Variants in AGBL1 observed in about 807,000 individuals in gnomAD.
AGBL1 encodes the protein cytosolic carboxypeptidase 4.
In AGBL1, 130 loss-of-function variants were observed where a neutral mutation model predicts 118.9. The ratio of observed to expected loss-of-function variants is 1.09; its 90% CI spans 0.95 to 1.26. The LOEUF (loss-of-function observed/expected upper bound fraction) is 1.26. AGBL1 is among the 50% of genes most tolerant of loss of function. The pLI is 0.00. For missense variants in AGBL1, 1,584 were observed against 1,298.1 expected, an observed-to-expected ratio of 1.22 and a Z score of -3.38; for synonymous variants, 555 against 478.9, an observed-to-expected ratio of 1.16 and a Z score of -2.08.
chr15:86,353,315 G>C (rs2080661134), intron 17 of AGBL1, among the ~76,000 whole-genome samples: 1 of 152,190 alleles, frequency 6.6e-6, no homozygotes, highest in South Asian at 2.1e-4. Flanking sequence ...GATCAAGATA[G>C]TCTTGCAGCT....
At chr15:86,812,340 A>G (rs1353856559) in intron 22 of AGBL1, among the ~76,000 whole-genome samples, 1 of 152,186 alleles carries the variant, frequency 6.6e-6, no homozygotes, top group Non-Finnish European at 1.5e-5. Context: ...ATGGACTACA[A>G]TTTACTTTAG....
At chr15:86,896,707 TCATG>T (rs940890532) in intron 22 of AGBL1, among the ~76,000 whole-genome samples, 2 of 152,196 alleles carry the variant, frequency 1.3e-5, no homozygotes, top group African/African-American at 4.8e-5. Context: ...ATTTTCTTTC[TCATG>T]CATATGTTCT....
chr15:86,786,482 C>T (rs964571643), intron 22 of AGBL1, among the ~76,000 whole-genome samples: 5 of 152,060 alleles, frequency 3.3e-5, no homozygotes, highest in Non-Finnish European at 7.4e-5. Context: ...GTATTAAATA[C>T]ATAAAAATAT....
intron 22 of AGBL1, among the ~76,000 whole-genome samples, chr15:86,869,985 T>G (rs898066537): frequency 6.6e-6 from 1 of 152,180 alleles, no homozygotes; most frequent in African/African-American, 2.4e-5. Context: ...CCCGCAAGTT[T>G]CCATTTTGAA....
intron 21 of AGBL1, among the ~76,000 whole-genome samples, chr15:86,567,373 C>G (rs192764022): frequency 3.9e-4 from 60 of 152,268 alleles, no homozygotes; most frequent in African/African-American, 1.3e-3. Context: ...TTTATTCTAT[C>G]TGTCAAAATT....
chr15:86,434,861 G>C (rs954040727), intron 18 of AGBL1, among the ~76,000 whole-genome samples: 3 of 152,206 alleles, frequency 2.0e-5, no homozygotes, highest in African/African-American at 7.2e-5. Flanking sequence ...TTATAGTCCA[G>C]CTGTAATTGA....
At chr15:86,981,557 A>T (rs1182559626) in intron 23 of AGBL1, among the ~76,000 whole-genome samples, 1 of 152,164 alleles carries the variant, frequency 6.6e-6, no homozygotes, top group Non-Finnish European at 1.5e-5. Context: ...CTTGACTTGT[A>T]AGTGCTCTTT....
At chr15:86,670,600 G>GACACACACACACACACACACACAC (rs9302341) in intron 21 of AGBL1, among the ~76,000 whole-genome samples, 4 of 133,224 alleles carry the variant, frequency 3.0e-5, no homozygotes, top group African/African-American at 1.1e-4. Flanking sequence ...GTGAAACTCT[G>GACACACACACACACACACACACAC]ACACACACAC....
chr15:86,834,137 G>A (rs1283456321), intron 22 of AGBL1, among the ~76,000 whole-genome samples: 2 of 152,092 alleles, frequency 1.3e-5, no homozygotes, highest in Admixed American at 6.5e-5. Context: ...CCTATGTCGG[G>A]ATACCAGAGG....
chr15:86,434,059 C>A (rs370063878), intron 18 of AGBL1, among the ~76,000 whole-genome samples: 6 of 152,356 alleles, frequency 3.9e-5, no homozygotes, highest in Non-Finnish European at 7.3e-5. Context: ...ACAAACCCAA[C>A]TGATCCTTTT....
At chr15:86,999,177 C>G (rs994573099) in intron 24 of AGBL1, among the ~76,000 whole-genome samples, 1 of 148,696 alleles carries the variant, frequency 6.7e-6, no homozygotes, top group African/African-American at 2.6e-5. Context: ...CTACAAAAGA[C>G]ATGAACTCAT....
At chr15:86,952,774 A>C (rs2080892937) in intron 23 of AGBL1, among the ~76,000 whole-genome samples, 1 of 152,128 alleles carries the variant, frequency 6.6e-6, no homozygotes, top group East Asian at 1.9e-4. Context: ...TGTTAAAAAG[A>C]ATATTTCCTA....
chr15:86,807,482 T>A (rs1275747401), intron 22 of AGBL1, among the ~76,000 whole-genome samples: 1 of 136,508 alleles, frequency 7.3e-6, no homozygotes, highest in East Asian at 2.0e-4. Context: ...AGAAAAGAAC[T>A]TTTTTTTTTT....
At chr15:86,294,065 T>C (rs934462315) in intron 16 of AGBL1, among the ~76,000 whole-genome samples, 1 of 152,038 alleles carries the variant, frequency 6.6e-6, no homozygotes, top group Admixed American at 6.6e-5. Context: ...CTGGTGCCCC[T>C]GTTTTGATTA....
At chr15:86,881,300 C>G (rs1463902623) in intron 22 of AGBL1, among the ~76,000 whole-genome samples, 1 of 152,102 alleles carries the variant, frequency 6.6e-6, no homozygotes, top group Non-Finnish European at 1.5e-5. Context: ...CGGAAGAAAC[C>G]TCGTGGAATG....
At chr15:86,109,146 G>T (rs890275602) in intron 1 of AGBL1, among the ~76,000 whole-genome samples, 1 of 152,096 alleles carries the variant, frequency 6.6e-6, no homozygotes, top group Non-Finnish European at 1.5e-5. Context: ...TACTTGGTAG[G>T]TACTCATTAA....
chr15:86,738,314 A>G (rs915822661), intron 22 of AGBL1, among the ~76,000 whole-genome samples: 3 of 152,212 alleles, frequency 2.0e-5, no homozygotes, highest in South Asian at 4.1e-4. Context: ...CTCTAGAACT[A>G]GAACAAGACA....
chr15:86,859,076 C>T (rs1347909953), intron 22 of AGBL1, among the ~76,000 whole-genome samples: 1 of 152,172 alleles, frequency 6.6e-6, no homozygotes, highest in African/African-American at 2.4e-5. Flanking sequence ...TTTTGCTGTG[C>T]TGCTGTTATA....
intron 22 of AGBL1, among the ~76,000 whole-genome samples, chr15:86,752,060 C>T (rs1292288113): frequency 1.3e-5 from 2 of 152,014 alleles, no homozygotes; most frequent in Non-Finnish European, 2.9e-5. Flanking sequence ...TAGCTTTCAC[C>T]TTATGTCATT....
Sources: gnomAD v4.1 joint callset for allele counts (sites outside exome capture counted in the v4.1 genomes callset) on GRCh38, gnomAD v4.1.1 for gene constraint, MANE v1.5 for transcripts, NCBI Gene and HGNC (gene_info 2026-07-23, HGNC 2026-07-21) for gene names.